The following CCDC158 variants were observed in gnomAD, a reference collection of about 807,000 sequenced individuals.
CCDC158 encodes coiled-coil domain-containing protein 158.
A neutral mutation model predicts 138.6 loss-of-function variants in CCDC158; 116 were observed. That is an observed-to-expected ratio of 0.84 (90% CI 0.72 to 0.98). The LOEUF (loss-of-function observed/expected upper bound fraction) is 0.98. Among genes scored for constraint, CCDC158 ranks in the 50% least tolerant of loss-of-function variants. The probability of loss-of-function intolerance (pLI) is 0.00; values close to 1 mark genes in which losing one functional copy is unlikely to be tolerated. For synonymous variants in CCDC158, 436 were observed against 442.4 expected (o/e 0.99, Z 0.18); for missense variants, 1,265 against 1,306.1 (o/e 0.97, Z 0.48).
intron 1 of CCDC158, among the ~76,000 whole-genome samples, chr4:76,412,834 A>G (rs1265550617): frequency 1.3e-5 from 2 of 152,244 alleles, no homozygotes; most frequent in African/African-American, 4.8e-5. Flanking sequence ...CTATTGGCCC[A>G]ATTTTAATTT....
At chr4:76,356,773 T>C (rs187035941) in intron 14 of CCDC158, 3 of 152,330 alleles carry the variant, frequency 2.0e-5, no homozygotes, top group Admixed American at 2.0e-4. Flanking sequence ...TATACTTTAA[T>C]TAGATAAATA....
intron 8 of CCDC158, among the ~76,000 whole-genome samples, chr4:76,381,835 C>T (rs534831999): frequency 2.0e-5 from 3 of 152,262 alleles, no homozygotes; most frequent in Admixed American, 2.0e-4. Context: ...GTGCCCACCA[C>T]CATGCCCAGC....
intron 2 of CCDC158, among the ~76,000 whole-genome samples, chr4:76,407,883 C>T (rs62303271): frequency 0.22 from 33,686 of 151,906 alleles, 3,924 homozygotes; most frequent in Middle Eastern, 0.29. Context: ...TTGTCTACTT[C>T]GACGTAAGAT....
upstream of CCDC158, among the ~76,000 whole-genome samples, chr4:76,421,333 G>T (rs1160484794): frequency 2.0e-5 from 3 of 151,962 alleles, no homozygotes; most frequent in African/African-American, 7.2e-5. Flanking sequence ...CGTCGCTGGG[G>T]CATCCGAGCG....
Position 76,369,453 on chromosome 4 carries a change from G to T in CCDC158, c.1320C>A (p.Ser440Arg). 6.2e-7 allele frequency: 1 copy of T among 1,614,104 alleles called. No homozygotes were observed. The highest frequency in any genetic ancestry group is 1.3e-5 in the African/African-American group (1 of 75,048). Residue 440 changes from serine to arginine, a missense_variant, in exon 11 of 25, where the codon AGC becomes AGA. Physicochemically the swap from Ser to Arg is moderately radical, Grantham distance 110. Coordinates refer to ENST00000682701, the MANE Select transcript of CCDC158 (RefSeq NM_001394954.1). Reference sequence around the variant, plus strand: ...GCCGCTCCATCTGGCCCTGACACTCGCTCTTCAAGGCCTTGAGCAGGGCTT... The same window carrying T: ...GCCGCTCCATCTGGCCCTGACACTCTCTCTTCAAGGCCTTGAGCAGGGCTT... ...RLEALLKALKSECQGQMERQM... is the reference protein window; with the variant it reads ...RLEALLKALKRECQGQMERQM...
chr4:76,421,855 C>CT (rs1431156218), upstream of CCDC158: 1 of 152,216 alleles, frequency 6.6e-6, no homozygotes, highest in Non-Finnish European at 1.5e-5. Flanking sequence ...CAGTTACCCT[C>CT]TGTCATTATC....
In CCDC158 at chr4:76,351,725, T is replaced by C. The variant is rs1275765673; in HGVS notation, c.2533A>G (p.Ile845Val). 8 of 1,599,520 alleles carry C rather than the reference T, an allele frequency of 5.0e-6. No homozygotes were observed. The highest frequency in any genetic ancestry group is 4.0e-5 in the African/African-American group (3 of 74,624). ...AATATTTATGATGACCTTACTTTTA[T>C]ATCCAAAGTGTGTTGAAGTTTTAAG... is the stretch of plus-strand genomic sequence containing the variant. ...VRLKLQHTLD[I>V]KELQGPGYTS... Residue 845 changes from isoleucine (I) to valine (V), a missense_variant, in exon 17 of 25, where the codon ATA becomes GTA. By Grantham distance (29) the Ile-to-Val change is conservative. Coordinates refer to ENST00000682701, the MANE Select transcript of CCDC158 (RefSeq NM_001394954.1).
chr4:76,369,726 A>T, intron 10 of CCDC158, 103 bp from the exon 11 acceptor site: 1 of 977,692 alleles, frequency 1.0e-6, no homozygotes, highest in Non-Finnish European at 1.5e-6. Context: ...GATTTCAGAC[A>T]CCTTTGATTT....
intron 24 of CCDC158, among the ~76,000 whole-genome samples, chr4:76,318,922 GT>G (rs1264286790): frequency 6.6e-6 from 1 of 152,172 alleles, no homozygotes; most frequent in African/African-American, 2.4e-5. Flanking sequence ...GAGGTCAAGA[GT>G]TCGAGACCAG....
In CCDC158 at chr4:76,314,331, T is replaced by C. The variant is rs75851203; in HGVS notation, c.3278-1085A>G. Among the ~76,000 whole-genome samples the C allele has an allele frequency of 5.0e-3, 755 of 152,298 alleles. 7 individuals carry two copies. The highest frequency in any genetic ancestry group is 0.017 in the African/African-American group (724 of 41,542). On this transcript the variant is annotated intron_variant, in intron 24 of 24. Coordinates refer to ENST00000682701, the MANE Select transcript of CCDC158 (RefSeq NM_001394954.1). ...GGATCAATAAGATAATGCATCTTCC[T>C]TCAAAAAACTCACAATAGATGTGGA...
intron 2 of CCDC158, chr4:76,407,195 A>C (rs181878937): frequency 6.6e-6 from 1 of 152,280 alleles, no homozygotes. Flanking sequence ...GTTTTTATTA[A>C]ACGGAATTCA....
intron 4 of CCDC158, 115 bp from the exon 5 acceptor site, chr4:76,384,780 C>T (rs1726634414): frequency 1.5e-6 from 1 of 686,230 alleles, no homozygotes; most frequent in Non-Finnish European, 2.5e-6. Flanking sequence ...TACTTCCTTC[C>T]CTCACTGCTG....
At chr4:76,326,300 C>T (rs999788008) in intron 22 of CCDC158, among the ~76,000 whole-genome samples, 3 of 152,126 alleles carry the variant, frequency 2.0e-5, no homozygotes, top group African/African-American at 7.2e-5. Context: ...CTACCAAATG[C>T]AAGCATGAAT....
rs185310300 is a variant in CCDC158 at position 76,354,368 on chromosome 4, C to T, written c.2286+956G>A. Among the ~76,000 whole-genome samples, 433 of 151,708 alleles carry T rather than the reference C, an allele frequency of 2.9e-3. 2 individuals carry two copies. Among genetic ancestry groups the T allele is most frequent in the African/African-American group, 9.4e-3 (388 of 41,342 alleles). The stretch of plus-strand genomic sequence containing the variant: ...ATGCACAAATGTAGGTTTATATTTG[C>T]TAATATTTAGCTGCAAATACTCTGA... On this transcript the variant is annotated intron_variant, in intron 15 of 24. Transcript: ENST00000682701.
chr4:76,338,131 A>G (rs1429282337), intron 18 of CCDC158, among the ~76,000 whole-genome samples: 1 of 152,120 alleles, frequency 6.6e-6, no homozygotes, highest in Non-Finnish European at 1.5e-5. Flanking sequence ...TAGGTTGCAC[A>G]CTCCTTATGG....
chr4:76,344,956 T>G, intron 18 of CCDC158: 1 of 1,503,886 alleles, frequency 6.6e-7, no homozygotes, highest in Non-Finnish European at 9.3e-7. Flanking sequence ...TGAAAAGTGC[T>G]GAAGAAGTCC....
In CCDC158 at chr4:76,313,265, C is replaced by G. The variant is rs1719059291; in HGVS notation, c.3278-19G>C. The G allele has an allele frequency of 6.7e-7, 1 of 1,500,948 alleles. No homozygotes were observed. The highest frequency in any genetic ancestry group is 1.4e-5 in the African/African-American group (1 of 72,554). The allele number at this position is 1,500,948 out of a possible 1,614,324, so 93.0% of individuals were successfully genotyped here. A position where few individuals can be genotyped will look rare whatever the true frequency, so the allele number is the denominator to read the frequency against. ...GACATTGCTGAAAATGTTGATAAAA[C>G]AGTTAGAATAACAAAATCTACTTAG... is the stretch of plus-strand genomic sequence containing the variant. On this transcript the variant is annotated intron_variant, in intron 24 of 24. Coordinates refer to ENST00000682701, the MANE Select transcript of CCDC158 (RefSeq NM_001394954.1).
chr4:76,368,877 A>G (rs34115371), intron 11 of CCDC158, among the ~76,000 whole-genome samples: 9 of 152,354 alleles, frequency 5.9e-5, no homozygotes. Context: ...TAGTTCTTCA[A>G]CAATGTACAA....
chr4:76,325,705 T>C (rs1445595825), intron 23 of CCDC158, 152 bp downstream of exon 23: 1 of 527,268 alleles, frequency 1.9e-6, no homozygotes. Context: ...ATAGCTGTTC[T>C]ATTTAAAAAA....
Sources: gnomAD v4.1 joint callset for allele counts (sites outside exome capture counted in the v4.1 genomes callset) on GRCh38, gnomAD v4.1.1 for gene constraint, MANE v1.5 for transcripts, NCBI Gene and HGNC (gene_info 2026-07-23, HGNC 2026-07-21) for gene names.